The following NUBPL variants were observed in gnomAD, a reference collection of about 807,000 sequenced individuals.
The protein encoded by NUBPL is NUBP iron-sulfur cluster assembly factor, mitochondrial.
Under a neutral mutation model 45.7 loss-of-function variants are expected in NUBPL, and 31 were observed. The observed-to-expected ratio is 0.68, with a 90% CI of 0.51 to 0.92. NUBPL has a LOEUF of 0.92. Among genes scored for constraint, NUBPL ranks in the 40% least tolerant of loss-of-function variants. The pLI is 0.00. For synonymous variants in NUBPL, 144 were observed against 140.9 expected (o/e 1.02, Z -0.15); for missense variants, 401 against 398.7 (o/e 1.01, Z -0.05).
At chr14:31,782,392 C>T (rs1225859953) in intron 6 of NUBPL, among the ~76,000 whole-genome samples, 1 of 151,974 alleles carries the variant, frequency 6.6e-6, no homozygotes, top group Non-Finnish European at 1.5e-5. Flanking sequence ...AAGACTCTGT[C>T]TCAAACAAAC....
chr14:31,645,069 CTTT>C (rs34958203), intron 4 of NUBPL, among the ~76,000 whole-genome samples: 11 of 139,720 alleles, frequency 7.9e-5, no homozygotes, highest in African/African-American at 1.3e-4. Flanking sequence ...TTTTTCTTTT[CTTT>C]TTTTTTTTTT....
At chr14:31,693,075 A>G (rs1464563886) in intron 6 of NUBPL, among the ~76,000 whole-genome samples, 2 of 152,200 alleles carry the variant, frequency 1.3e-5, no homozygotes, top group Admixed American at 6.5e-5. Context: ...TAAGGAAAAC[A>G]TATTTTAAAA....
At chr14:31,786,220 T>A (rs1266630910) in intron 6 of NUBPL, among the ~76,000 whole-genome samples, 6 of 152,164 alleles carry the variant, frequency 3.9e-5, no homozygotes, top group Non-Finnish European at 1.5e-5. Flanking sequence ...TATTACATGT[T>A]ATTAAGTTTT....
At chr14:31,583,556 C>T (rs1385277552) in intron 3 of NUBPL, among the ~76,000 whole-genome samples, 1 of 152,134 alleles carries the variant, frequency 6.6e-6, no homozygotes, top group Non-Finnish European at 1.5e-5. Context: ...GAAGACTTCC[C>T]CCAGTGAGTA....
At chr14:31,708,170 G>A (rs1429923805) in intron 6 of NUBPL, among the ~76,000 whole-genome samples, 3 of 152,198 alleles carry the variant, frequency 2.0e-5, no homozygotes, top group Non-Finnish European at 2.9e-5. Context: ...TCCACTGACT[G>A]TTTGGTTTTT....
chr14:31,624,529 G>A (rs1314303503), intron 4 of NUBPL, among the ~76,000 whole-genome samples: 3 of 152,092 alleles, frequency 2.0e-5, no homozygotes, highest in Admixed American at 1.3e-4. Flanking sequence ...TGATTTTGAT[G>A]TGTAGAAGAC....
At chr14:31,776,083 G>A (rs1446462962) in intron 6 of NUBPL, among the ~76,000 whole-genome samples, 2 of 152,064 alleles carry the variant, frequency 1.3e-5, no homozygotes, top group East Asian at 1.9e-4. Flanking sequence ...ATTTACTTTT[G>A]TACCTAAGTT....
chr14:31,783,011 A>G lies in NUBPL; in HGVS notation c.514-4769A>G, dbSNP rs372761779. On this transcript the variant is annotated intron_variant, in intron 6 of 10. Transcript: ENST00000281081. Reference sequence around the variant, plus strand: ...TGGCCACCATTTTGTCACCAAACCAATTGGGTCAGTTTGCCTGTGCACAAT... The same window carrying G: ...TGGCCACCATTTTGTCACCAAACCAGTTGGGTCAGTTTGCCTGTGCACAAT... Among the ~76,000 whole-genome samples, 36 of 152,294 alleles carry G rather than the reference A, an allele frequency of 2.4e-4. No homozygotes were observed. The East Asian group carries it at 2.9e-3, about 12-fold the overall frequency.
At chr14:31,856,562 C>T (rs565051885) in intron 10 of NUBPL, among the ~76,000 whole-genome samples, 8 of 152,296 alleles carry the variant, frequency 5.3e-5, no homozygotes, top group South Asian at 2.1e-4. Flanking sequence ...AAGTCCCTTC[C>T]GCCTATGAGC....
chr14:31,722,145 T>C (rs1020209095), intron 6 of NUBPL, among the ~76,000 whole-genome samples: 4 of 152,214 alleles, frequency 2.6e-5, no homozygotes, highest in Admixed American at 2.0e-4. Flanking sequence ...TACAGGTGCC[T>C]GCCACCATGC....
At chr14:31,740,502 T>G (rs754063738) in intron 6 of NUBPL, among the ~76,000 whole-genome samples, 11 of 152,244 alleles carry the variant, frequency 7.2e-5, no homozygotes, top group Non-Finnish European at 2.9e-5. Context: ...TTGGGTTGTT[T>G]GTTTTCTTGT....
chr14:31,694,111 T>C (rs2037161460), intron 6 of NUBPL, among the ~76,000 whole-genome samples: 1 of 152,096 alleles, frequency 6.6e-6, no homozygotes, highest in Non-Finnish European at 1.5e-5. Flanking sequence ...CACCTCGGCC[T>C]CCCAGAGTGC....
chr14:31,595,686 A>G (rs2034263167), intron 3 of NUBPL, among the ~76,000 whole-genome samples: 1 of 152,220 alleles, frequency 6.6e-6, no homozygotes, highest in Non-Finnish European at 1.5e-5. Flanking sequence ...CTATTTACAT[A>G]CTTAAAATAG....
At chr14:31,735,198 GTTGA>G (rs57612264) in intron 6 of NUBPL, among the ~76,000 whole-genome samples, 9,937 of 152,194 alleles carry the variant, frequency 0.065, 414 homozygotes, top group Non-Finnish European at 0.091. Flanking sequence ...ACTGCTCTAG[GTTGA>G]TTTCTTTTTG....
intron 4 of NUBPL, among the ~76,000 whole-genome samples, chr14:31,663,033 A>G (rs2036312732): frequency 6.6e-6 from 1 of 152,186 alleles, no homozygotes; most frequent in South Asian, 2.1e-4. Flanking sequence ...GGCTACATAA[A>G]TATCTTCTTT....
intron 3 of NUBPL, among the ~76,000 whole-genome samples, chr14:31,583,191 G>A (rs2033908761): frequency 6.6e-6 from 1 of 152,222 alleles, no homozygotes; most frequent in South Asian, 2.1e-4. Context: ...AACATAGGCA[G>A]TAGTAAATCA....
At chr14:31,591,939 G>A (rs1229776940) in intron 3 of NUBPL, among the ~76,000 whole-genome samples, 2 of 152,122 alleles carry the variant, frequency 1.3e-5, no homozygotes, top group Non-Finnish European at 2.9e-5. Context: ...CTGCCCTTAT[G>A]GAGCTTATAG....
At chr14:31,793,574 T>A (rs184863465) in intron 7 of NUBPL, among the ~76,000 whole-genome samples, 1 of 152,314 alleles carries the variant, frequency 6.6e-6, no homozygotes, top group African/African-American at 2.4e-5. Context: ...TTTCTCAGGG[T>A]GCCAAACTCA....
At chr14:31,729,938 G>T (rs925268039) in intron 6 of NUBPL, among the ~76,000 whole-genome samples, 3 of 152,046 alleles carry the variant, frequency 2.0e-5, no homozygotes, top group African/African-American at 7.2e-5. Flanking sequence ...GATATTGATG[G>T]CAGTGTTTCT....
Sources: allele counts gnomAD v4.1 joint callset (sites outside exome capture counted in the v4.1 genomes callset), GRCh38; gene constraint gnomAD v4.1.1; transcripts MANE v1.5; gene names NCBI Gene and HGNC (gene_info 2026-07-23, HGNC 2026-07-21).